The following DACH2 variants were observed in gnomAD, a reference collection of about 807,000 sequenced individuals.
The protein encoded by DACH2 is dachshund family transcription factor 2.
A neutral mutation model predicts 35.8 loss-of-function variants in DACH2; 17 were observed. The ratio of observed to expected loss-of-function variants is 0.48; its 90% confidence interval spans 0.33 to 0.71. The LOEUF (loss-of-function observed/expected upper bound fraction) is 0.71, where lower values mean the gene tolerates loss of function less well. DACH2 is among the 30% of genes least tolerant of loss of function. The pLI, the probability that DACH2 is intolerant of heterozygous loss-of-function variation, is 0.02. For synonymous variants in DACH2, 195 were observed against 177.3 expected (o/e 1.10, Z -0.79); for missense variants, 469 against 472.7 (o/e 0.99, Z 0.07).
At chrX:86,740,654 A>T (rs915369363) in intron 7 of DACH2, among the ~76,000 whole-genome samples, 5 of 108,562 alleles carry the variant, frequency 4.6e-5, no homozygotes, top group African/African-American at 1.3e-4. Flanking sequence ...GTGATGTGGC[A>T]TATTGGGAAT....
At chrX:86,679,905 A>T (rs2040861957) in intron 4 of DACH2, among the ~76,000 whole-genome samples, 1 of 111,163 alleles carries the variant, frequency 9.0e-6, no homozygotes, top group African/African-American at 3.3e-5. Flanking sequence ...AGAATCTCAT[A>T]CTAAATTATA....
intron 1 of DACH2, among the ~76,000 whole-genome samples, chrX:86,246,840 A>C (rs1217918591): frequency 8.9e-6 from 1 of 111,733 alleles, no homozygotes; most frequent in Admixed American, 9.5e-5. Flanking sequence ...ATTAACCTTG[A>C]ATGTAAACAG....
rs184433408 is a variant in DACH2 at position 86,404,548 on chromosome X, C to T, written c.527+27686C>T. Among the ~76,000 whole-genome samples the T allele has an allele frequency of 8.0e-5, 9 of 112,535 alleles. No homozygotes were observed. The East Asian group carries it at 1.7e-3, about 21-fold the overall frequency. ...AGGTTATGCTGATGCAAGAGGTGGG[C>T]TCCCATGGACTTTGGCAGCTGTGCC... On this transcript the variant is annotated intron_variant, in intron 2 of 11. Transcript: ENST00000373125.
intron 2 of DACH2, among the ~76,000 whole-genome samples, chrX:86,411,782 A>G (rs1482610422): frequency 9.0e-6 from 1 of 111,711 alleles, no homozygotes; most frequent in Non-Finnish European, 1.9e-5. Flanking sequence ...ACGTGGTCAT[A>G]GGTGGTATTG....
chrX:86,363,680 A>G, intron 1 of DACH2, among the ~76,000 whole-genome samples: 1 of 111,011 alleles, frequency 9.0e-6, no homozygotes. Context: ...ATAAAATTAT[A>G]TTTTCTTCTG....
chrX:86,324,640 G>A (rs183242212), intron 1 of DACH2, among the ~76,000 whole-genome samples: 13 of 96,430 alleles, frequency 1.3e-4, no homozygotes, highest in African/African-American at 1.6e-4. Flanking sequence ...GTGCAGTGGC[G>A]TGATCTCGGC....
chrX:86,427,370 T>G (rs2148165535), intron 2 of DACH2, among the ~76,000 whole-genome samples: 1 of 111,530 alleles, frequency 9.0e-6, no homozygotes, highest in African/African-American at 3.2e-5. Flanking sequence ...TGTTGAGGAT[T>G]AGTTCCCCCA....
chrX:86,480,224 G>A (rs770391814), intron 2 of DACH2, among the ~76,000 whole-genome samples: 1 of 112,502 alleles, frequency 8.9e-6, no homozygotes, highest in Non-Finnish European at 1.9e-5. Flanking sequence ...TTGCAGACTT[G>A]CAGAGGTACC....
chrX:86,599,060 T>G (rs746641950), intron 3 of DACH2, among the ~76,000 whole-genome samples: 3 of 111,053 alleles, frequency 2.7e-5, no homozygotes, highest in African/African-American at 9.9e-5. Context: ...GGTGTTTGGT[T>G]TTTTGTCCTT....
At chrX:86,284,299 G>T (rs762358366) in intron 1 of DACH2, among the ~76,000 whole-genome samples, 1 of 111,208 alleles carries the variant, frequency 9.0e-6, no homozygotes, top group African/African-American at 3.3e-5. Flanking sequence ...TATCATGAAG[G>T]GGTGTTGAAT....
chrX:86,440,396 T>C (rs1320606076), intron 2 of DACH2, among the ~76,000 whole-genome samples: 1 of 111,779 alleles, frequency 8.9e-6, no homozygotes, highest in Non-Finnish European at 1.9e-5. Flanking sequence ...TTCCTTACAC[T>C]GAAGTCTCCC....
At chrX:86,372,253 T>C (rs751005658) in intron 1 of DACH2, among the ~76,000 whole-genome samples, 2 of 111,418 alleles carry the variant, frequency 1.8e-5, no homozygotes, top group South Asian at 7.4e-4. Context: ...TTGTCTTTCT[T>C]CATTAATAAA....
At chrX:86,571,390 G>A (rs1000299521) in intron 3 of DACH2, among the ~76,000 whole-genome samples, 3 of 110,237 alleles carry the variant, frequency 2.7e-5, no homozygotes, top group Non-Finnish European at 3.8e-5. Context: ...TTGGTGTGCT[G>A]CACCCATTAA....
intron 1 of DACH2, among the ~76,000 whole-genome samples, chrX:86,356,283 T>C (rs750500345): frequency 8.9e-6 from 1 of 112,106 alleles, no homozygotes; most frequent in South Asian, 3.7e-4. Context: ...ATTTACTGAA[T>C]AGGGAGTCCT....
intron 1 of DACH2, among the ~76,000 whole-genome samples, chrX:86,364,126 G>T (rs1401962558): frequency 9.0e-6 from 1 of 111,527 alleles, no homozygotes; most frequent in African/African-American, 3.3e-5. Flanking sequence ...TGCCTATTTT[G>T]CATGGCATTG....
chrX:86,763,878 T>C (rs1457975944), intron 7 of DACH2, among the ~76,000 whole-genome samples: 1 of 111,771 alleles, frequency 8.9e-6, no homozygotes, highest in South Asian at 3.7e-4. Context: ...TTTATGCACT[T>C]TTTAATATAA....
rs73247203 is a variant in DACH2 at position 86,656,952 on chromosome X, G to A, written c.772+5785G>A. Reference sequence around the variant, plus strand: ...TCCTGTCATTTGCAACAACATTGATGGAACTGGAGGTTAATACGTTAAGTG... The same window carrying A: ...TCCTGTCATTTGCAACAACATTGATAGAACTGGAGGTTAATACGTTAAGTG... On this transcript the variant is annotated intron_variant, in intron 4 of 11. Coordinates refer to ENST00000373125, the MANE Select transcript of DACH2 (RefSeq NM_053281.3). 8.3e-3 allele frequency among the ~76,000 whole-genome samples: 843 copies of A among 101,205 alleles called. 5 individuals carry two copies. Among genetic ancestry groups the A allele is most frequent in the Non-Finnish European group, 0.013 (663 of 50,364 alleles). The allele number at this position is 101,205 out of a possible 115,157, so 87.9% of individuals were successfully genotyped here. A position where few individuals can be genotyped will look rare whatever the true frequency, so the allele number is the denominator to read the frequency against.
chrX:86,827,945 T>G, intron 11 of DACH2: 1 of 533,564 alleles, frequency 1.9e-6, no homozygotes, highest in South Asian at 3.8e-5. Context: ...ACAGGAAAAA[T>G]GTCCTAGAGA....
At chrX:86,564,893 A>G (rs892089193) in intron 3 of DACH2, among the ~76,000 whole-genome samples, 13 of 110,997 alleles carry the variant, frequency 1.2e-4, no homozygotes, top group African/African-American at 4.3e-4. Context: ...CTTCCCTACT[A>G]CCACTGTCTC....
Sources: allele counts gnomAD v4.1 joint callset (sites outside exome capture counted in the v4.1 genomes callset), GRCh38; gene constraint gnomAD v4.1.1; transcripts MANE v1.5; gene names NCBI Gene and HGNC (gene_info 2026-07-23, HGNC 2026-07-21).